The following CPAMD8 variants were observed in gnomAD, a reference collection of about 807,000 sequenced individuals.
The protein encoded by CPAMD8 is C3 and PZP like alpha-2-macroglobulin domain containing 8.
Under a neutral mutation model 224.7 loss-of-function variants are expected in CPAMD8, and 146 were observed. The ratio of observed to expected loss-of-function variants is 0.65; its 90% confidence interval spans 0.57 to 0.75. The LOEUF is 0.75. CPAMD8 is among the 30% of genes least tolerant of loss of function. The pLI is 0.00. For missense variants in CPAMD8, 2,301 were observed against 2,537.5 expected (o/e 0.91, Z 2.00); for synonymous variants, 966 against 1,044.6 (o/e 0.92, Z 1.45).
intron 30 of CPAMD8, 93 bp from the exon 31 acceptor site, chr19:16,904,645 G>A (rs1246985972): frequency 2.0e-5 from 17 of 845,846 alleles, no homozygotes; most frequent in Non-Finnish European, 2.0e-6. Context: ...CTAAAGAAAA[G>A]GTATTGTGGG....
At chr19:16,983,495 C>T (rs183059464) in intron 13 of CPAMD8, among the ~76,000 whole-genome samples, 15 of 152,034 alleles carry the variant, frequency 9.9e-5, no homozygotes, top group South Asian at 4.2e-4. Flanking sequence ...AGCATGAAAA[C>T]GGACTAATAT....
intron 14 of CPAMD8, among the ~76,000 whole-genome samples, chr19:16,978,356 C>A (rs2055356640): frequency 1.3e-5 from 2 of 152,156 alleles, no homozygotes; most frequent in African/African-American, 4.8e-5. Flanking sequence ...CCACCACCAT[C>A]CCAGGCTGCA....
At chr19:16,969,332 T>A (rs954053089) in intron 18 of CPAMD8, among the ~76,000 whole-genome samples, 4 of 152,130 alleles carry the variant, frequency 2.6e-5, no homozygotes, top group Non-Finnish European at 5.9e-5. Context: ...TGTTGGTTGT[T>A]ACAACTGGGA....
At chr19:16,897,613 G>T in intron 39 of CPAMD8, 78 bp downstream of exon 39, 1 of 795,426 alleles carries the variant, frequency 1.3e-6, no homozygotes, top group Non-Finnish European at 2.0e-6. Context: ...CCCCAGGGGA[G>T]CCCTCCCTGG....
intron 7 of CPAMD8, among the ~76,000 whole-genome samples, chr19:17,007,259 G>A (rs1260764758): frequency 1.3e-5 from 2 of 151,962 alleles, no homozygotes; most frequent in Admixed American, 6.6e-5. Flanking sequence ...GCTTGAACCC[G>A]GGAGGCGGAG....
At chr19:16,943,123 C>T (rs1190785657) in intron 22 of CPAMD8, among the ~76,000 whole-genome samples, 1 of 151,406 alleles carries the variant, frequency 6.6e-6, no homozygotes. Context: ...TCAAGCAATC[C>T]TCCCTCCTCA....
chr19:16,897,832 G>A, intron 38 of CPAMD8, 31 bp from the exon 39 acceptor site: 1 of 1,573,948 alleles, frequency 6.4e-7, no homozygotes, highest in Non-Finnish European at 8.6e-7. Flanking sequence ...GTGACCAAGT[G>A]CAGGCGCGAC....
chr19:16,993,275 C>T, intron 12 of CPAMD8, 141 bp downstream of exon 12: 1 of 647,754 alleles, frequency 1.5e-6, no homozygotes, highest in Non-Finnish European at 2.6e-6. Flanking sequence ...TGTTGTCCAT[C>T]CCACTGTCTA....
chr19:16,977,275 G>A, intron 15 of CPAMD8, 93 bp downstream of exon 15: 1 of 749,514 alleles, frequency 1.3e-6, no homozygotes, highest in Non-Finnish European at 2.3e-6. Context: ...GACACAACAT[G>A]AGTCTCAGGT....
Position 16,903,830 on chromosome 19 carries a change from C to T in CPAMD8, c.4279G>A (p.Ala1427Thr), listed in dbSNP as rs142251610. 6 of 1,613,838 alleles carry T rather than the reference C, an allele frequency of 3.7e-6. No individual in the cohort carries two copies. The East Asian group carries it at 1.3e-4, about 36-fold the overall frequency. Reference protein sequence around the residue: ...QDTCVALQALAEYAILSYAGG... With the variant: ...QDTCVALQALTEYAILSYAGG... ...GCATAGGACAAGATGGCATATTCAG[C>T]CAAGGCCTGCAGAGCCACGCAGGTG... Residue 1427 changes from alanine (A) to threonine (T), a missense_variant, in exon 33 of 42, where the codon GCT (alanine) becomes ACT (threonine). Transcript: ENST00000443236.
intron 25 of CPAMD8, 93 bp from the exon 26 acceptor site, chr19:16,925,465 T>TCATG: frequency 9.8e-7 from 1 of 1,023,830 alleles, no homozygotes; most frequent in Non-Finnish European, 1.5e-6. Context: ...ACAGTGAGTG[T>TCATG]CATGCAGTCA....
At chr19:16,947,500 C>T (rs1042453057) in intron 20 of CPAMD8, among the ~76,000 whole-genome samples, 1 of 152,212 alleles carries the variant, frequency 6.6e-6, no homozygotes, top group East Asian at 1.9e-4. Context: ...GTCCAGATCT[C>T]CCATGGACTG....
intron 13 of CPAMD8, 149 bp downstream of exon 13, chr19:16,989,494 C>T (rs760046116): frequency 4.5e-5 from 41 of 905,032 alleles, no homozygotes; most frequent in Non-Finnish European, 6.8e-5. Flanking sequence ...ACCATGCTGG[C>T]CAGGCTGGTC....
chr19:16,894,676 G>A (rs2051889813), intron 41 of CPAMD8: 1 of 342,108 alleles, frequency 2.9e-6, no homozygotes, highest in Non-Finnish European at 5.9e-6. Flanking sequence ...TGCGGTAAGA[G>A]GGGAGTAGCT....
chr19:16,944,076 C>G (rs55698507), intron 22 of CPAMD8, among the ~76,000 whole-genome samples: 2,031 of 152,244 alleles, frequency 0.013, 46 homozygotes, highest in African/African-American at 0.046. Context: ...CATCCCCACC[C>G]TGGTACAGTG....
chr19:16,941,537 G>A (rs911306695), intron 22 of CPAMD8, among the ~76,000 whole-genome samples: 1 of 152,182 alleles, frequency 6.6e-6, no homozygotes, highest in African/African-American at 2.4e-5. Context: ...GTTTGGATTT[G>A]TGTTCCCACC....
Position 16,902,737 on chromosome 19 carries a change from G to T in CPAMD8, c.4597C>A (p.Arg1533=). Reference sequence around the variant, plus strand: ...TCGTCAGCTGGGGGCCAGTCTCCTCGGGAACCCTCAGCTGCGGAGGCAGGC... The same window carrying T: ...TCGTCAGCTGGGGGCCAGTCTCCTCTGGAACCCTCAGCTGCGGAGGCAGGC... ...PMPASAAEGS[R]GDWPPADDDD... The change falls in exon 35 of 42, where the codon CGA becomes AGA. Residue 1533 remains arginine (R), a synonymous_variant. Coordinates refer to ENST00000443236, the MANE Select transcript of CPAMD8 (RefSeq NM_015692.5). 1.3e-6 allele frequency: 2 copies of T among 1,599,742 alleles called. No individual in the cohort carries two copies. Among genetic ancestry groups the T allele is most frequent in the Non-Finnish European group, 1.7e-6 (2 of 1,170,022 alleles).
chr19:16,965,808 G>C (rs1204901475), intron 18 of CPAMD8, among the ~76,000 whole-genome samples: 1 of 152,108 alleles, frequency 6.6e-6, no homozygotes, highest in South Asian at 2.1e-4. Flanking sequence ...CCTCTTCAAG[G>C]AGAACTACAA....
Position 16,897,734 on chromosome 19 carries a change from T to A in CPAMD8, c.5022A>T (p.Gly1674=). 1.3e-6 allele frequency: 2 copies of A among 1,570,710 alleles called. No homozygotes were observed. Among genetic ancestry groups the A allele is most frequent in the South Asian group, 2.3e-5 (2 of 85,442 alleles). The change falls in exon 39 of 42, where the codon GGA becomes GGT. Residue 1674 remains glycine (G), a synonymous_variant. Coordinates refer to ENST00000443236, the MANE Select transcript of CPAMD8 (RefSeq NM_015692.5). ...CGCGCTCCACTTCGTTGCACGCGGG[T>A]CCGGCGCACAGTTCCCGGGCGAGTG... ...HSPLARELCA[G]PACNEVERAP...
Sources: allele counts gnomAD v4.1 joint callset (sites outside exome capture counted in the v4.1 genomes callset), GRCh38; gene constraint gnomAD v4.1.1; transcripts MANE v1.5; gene names NCBI Gene and HGNC (gene_info 2026-07-23, HGNC 2026-07-21).